The following NAV2 variants were observed in gnomAD, a reference collection of about 807,000 sequenced individuals.
NAV2 encodes helicase, APC down-regulated 1.
NAV2 carries 54 observed loss-of-function variants against 223.2 expected under a neutral mutation model. The ratio of observed to expected loss-of-function variants is 0.24; its 90% confidence interval spans 0.19 to 0.30. NAV2 has a LOEUF of 0.30. Ranked by LOEUF, NAV2 falls within the 10% of genes least tolerant of loss-of-function variation. NAV2 has a pLI of 1.00. For synonymous variants in NAV2, 1,279 were observed against 1,239.3 expected, an observed-to-expected ratio of 1.03 and a Z score of -0.67; for missense variants, 2,806 against 3,147.5, an observed-to-expected ratio of 0.89 and a Z score of 2.60.
chr11:19,526,934 T>G (rs11025167), intron 1 of NAV2, among the ~76,000 whole-genome samples: 34,628 of 152,064 alleles, frequency 0.23, 4,983 homozygotes, highest in East Asian at 0.34. Flanking sequence ...AGGCCAACAT[T>G]CCTGAGGACA....
chr11:19,350,715 A>T, upstream of NAV2: 1 of 542,176 alleles, frequency 1.8e-6, no homozygotes, highest in Non-Finnish European at 3.3e-6. Context: ...TAAAACCCCA[A>T]GACTTAGCTC....
intron 2 of NAV2, among the ~76,000 whole-genome samples, chr11:19,838,622 T>G (rs1469630101): frequency 6.6e-6 from 1 of 151,970 alleles, no homozygotes; most frequent in African/African-American, 2.4e-5. Context: ...ACTTAAATGG[T>G]TTTTGTTTTG....
At chr11:19,699,858 C>T (rs1020059970) in intron 1 of NAV2, among the ~76,000 whole-genome samples, 1 of 152,168 alleles carries the variant, frequency 6.6e-6, no homozygotes, top group African/African-American at 2.4e-5. Context: ...TTCCATCACA[C>T]ACTCTCTAGC....
chr11:19,680,836 G>C (rs539353232), intron 1 of NAV2, among the ~76,000 whole-genome samples: 2 of 152,322 alleles, frequency 1.3e-5, no homozygotes, highest in African/African-American at 4.8e-5. Flanking sequence ...GAGAACGGTA[G>C]GGGTCTCATG....
chr11:19,434,244 G>A (rs1017633624), intron 1 of NAV2, among the ~76,000 whole-genome samples: 5 of 152,212 alleles, frequency 3.3e-5, no homozygotes, highest in Admixed American at 3.3e-4. Context: ...CAAGGCATCA[G>A]ATTTTACACA....
intron 1 of NAV2, among the ~76,000 whole-genome samples, chr11:19,613,378 G>T: frequency 6.6e-6 from 1 of 152,188 alleles, no homozygotes; most frequent in East Asian, 1.9e-4. Context: ...TTCTAAATAT[G>T]CTTTCCTGTT....
intron 1 of NAV2, among the ~76,000 whole-genome samples, chr11:19,404,724 G>A (rs79111249): frequency 0.015 from 2,346 of 152,168 alleles, 70 homozygotes; most frequent in African/African-American, 0.053. Flanking sequence ...ATGCTAAATC[G>A]AGTGATCACA....
At chr11:19,558,348 C>G (rs557210001) in intron 1 of NAV2, among the ~76,000 whole-genome samples, 1 of 152,326 alleles carries the variant, frequency 6.6e-6, no homozygotes, top group East Asian at 1.9e-4. Context: ...AGGGCTTCCT[C>G]AAATGCATGG....
chr11:19,948,777 T>C lies in NAV2; in HGVS notation c.2342T>C (p.Leu781Pro). The change falls in exon 10 of 38, where the codon CTG becomes CCG. Residue 781 changes from leucine (L) to proline (P), a missense_variant. Coordinates refer to ENST00000349880, the MANE Select transcript of NAV2 (RefSeq NM_145117.5). ...ILSLTGRPTPLSWRLGQSSPR... is the reference protein window; with the variant it reads ...ILSLTGRPTPPSWRLGQSSPR... ...AGCTTGACAGGGAGGCCCACACCTC[T>C]GTCCTGGAGACTGGGCCAGTCCAGC... is the stretch of plus-strand genomic sequence containing the variant. The C allele has an allele frequency of 6.2e-7, 1 of 1,613,980 alleles. No homozygotes were observed. Among genetic ancestry groups the C allele is most frequent in the Non-Finnish European group, 8.5e-7 (1 of 1,179,932 alleles).
chr11:19,517,681 C>T (rs929487160), intron 1 of NAV2, among the ~76,000 whole-genome samples: 1 of 152,248 alleles, frequency 6.6e-6, no homozygotes, highest in African/African-American at 2.4e-5. Context: ...ACCAGTGGTA[C>T]ACCAAACAGC....
At chr11:19,863,602 A>G (rs2061918887) in intron 3 of NAV2, among the ~76,000 whole-genome samples, 1 of 152,148 alleles carries the variant, frequency 6.6e-6, no homozygotes, top group Non-Finnish European at 1.5e-5. Flanking sequence ...CCATGGACCT[A>G]TGTGCTGCCT....
At chr11:20,078,146 C>T (rs764002580) in intron 24 of NAV2, 42 bp downstream of exon 24, 1 of 1,362,080 alleles carries the variant, frequency 7.3e-7, no homozygotes, top group Admixed American at 1.8e-5. Flanking sequence ...GACCTGCCTG[C>T]CCTTAGGAGC....
At chr11:19,769,964 T>C (rs1590398911) in intron 1 of NAV2, among the ~76,000 whole-genome samples, 1 of 151,932 alleles carries the variant, frequency 6.6e-6, no homozygotes, top group African/African-American at 2.4e-5. Flanking sequence ...TGGCCAAGAA[T>C]GAAAGGGCTG....
exon 1 of NAV2, chr11:19,350,871 C>A: frequency 1.5e-6 from 2 of 1,357,138 alleles, no homozygotes; most frequent in Non-Finnish European, 2.1e-6. Context: ...CTGTTGCATG[C>A]ATCACTTTTG....
At chr11:19,590,095 T>C (rs1009293848) in intron 1 of NAV2, among the ~76,000 whole-genome samples, 2 of 152,202 alleles carry the variant, frequency 1.3e-5, no homozygotes, top group African/African-American at 4.8e-5. Flanking sequence ...GTCAAATTAC[T>C]TAACCACTGT....
chr11:19,368,837 G>T lies in NAV2; in HGVS notation c.75+17810G>T, dbSNP rs1005425522. Among the ~76,000 whole-genome samples the T allele has an allele frequency of 5.3e-5, 8 of 152,140 alleles. No individual in the cohort carries two copies. The East Asian group carries it at 1.5e-3, about 29-fold the overall frequency. ...ATTTTAGCTGTGCAACTTTGGACAA[G>T]CTACCTCTTTCTCAGGTCTTCAGTG... On this transcript the variant is annotated intron_variant, in intron 1 of 37. Transcript: ENST00000360655.
intron 1 of NAV2, among the ~76,000 whole-genome samples, chr11:19,742,732 A>G (rs1590260662): frequency 6.6e-6 from 1 of 152,210 alleles, no homozygotes; most frequent in East Asian, 1.9e-4. Context: ...GATGGGCAGG[A>G]AATCTAAAAG....
rs1186346321 is a variant in NAV2, at chr11:20,045,157, C to T, written c.3389C>T (p.Ala1130Val). Residue 1130 changes from alanine to valine, a missense_variant, in exon 14 of 38, where the codon GCC (alanine) becomes GTC (valine). Ala to Val is a moderately conservative substitution (Grantham distance 64). Coordinates refer to ENST00000349880, the MANE Select transcript of NAV2 (RefSeq NM_145117.5). ...TTCAAGAAGCAGAGTGGTTCCGCCG[C>T]CGGCCTGGCCATGATCACAGCCAGC... ...FGFKKQSGSA[A>V]GLAMITASGV... 5.0e-6 allele frequency: 8 copies of T among 1,614,126 alleles called. No individual in the cohort carries two copies. The highest frequency in any genetic ancestry group is 6.8e-6 in the Non-Finnish European group (8 of 1,179,996).
intron 7 of NAV2, 66 bp downstream of exon 7, chr11:19,934,343 G>C (rs566157375): frequency 1.4e-6 from 2 of 1,480,338 alleles, no homozygotes; most frequent in Admixed American, 2.4e-5. Context: ...AGTGGATTCC[G>C]GGTCTGTAAG....
Sources: allele counts gnomAD v4.1 joint callset (sites outside exome capture counted in the v4.1 genomes callset), GRCh38; gene constraint gnomAD v4.1.1; transcripts MANE v1.5; gene names NCBI Gene and HGNC (gene_info 2026-07-23, HGNC 2026-07-21).